LRRC4C: variants seen among roughly 807,000 people sequenced by gnomAD.
LRRC4C encodes the protein leucine rich repeat containing 4C, also known as leucine-rich repeat-containing protein 4C.
Under a neutral mutation model 33.6 loss-of-function variants are expected in LRRC4C, and 5 were observed. The observed-to-expected ratio is 0.15, with a 90% CI of 0.08 to 0.31. The LOEUF (loss-of-function observed/expected upper bound fraction) is 0.31, where lower values mean the gene tolerates loss of function less well. Among genes scored for constraint, LRRC4C ranks in the 10% least tolerant of loss-of-function variants. LRRC4C has a pLI of 1.00. For synonymous variants in LRRC4C, 329 were observed against 302.0 expected (o/e 1.09, Z -0.93); for missense variants, 560 against 796.7 (o/e 0.70, Z 3.58).
chr11:41,300,639 T>C (rs568384432), intron 1 of LRRC4C, among the ~76,000 whole-genome samples: 1 of 152,166 alleles, frequency 6.6e-6, no homozygotes, highest in Non-Finnish European at 1.5e-5. Context: ...CAGAGGAGAA[T>C]TCTTCTTTCT....
chr11:40,346,969 G>A (rs1321809371), intron 3 of LRRC4C, among the ~76,000 whole-genome samples: 1 of 152,130 alleles, frequency 6.6e-6, no homozygotes. Flanking sequence ...TCTGCAGAAT[G>A]GTAAATGAGT....
chr11:41,017,992 T>C (rs575190130), intron 1 of LRRC4C, among the ~76,000 whole-genome samples: 2 of 152,126 alleles, frequency 1.3e-5, no homozygotes, highest in Middle Eastern at 6.8e-3. Flanking sequence ...ATAGAAATGG[T>C]CTTCAAGATG....
intron 3 of LRRC4C, among the ~76,000 whole-genome samples, chr11:40,465,866 G>A (rs1425389224): frequency 6.6e-6 from 1 of 152,000 alleles, no homozygotes; most frequent in African/African-American, 2.4e-5. Flanking sequence ...ACAGTGTGGA[G>A]ATTTCTCAAA....
At chr11:40,645,161 C>T (rs528148447) in intron 3 of LRRC4C, among the ~76,000 whole-genome samples, 2 of 152,156 alleles carry the variant, frequency 1.3e-5, no homozygotes, top group South Asian at 4.2e-4. Context: ...TGACATAAAC[C>T]TCAATCTAAT....
chr11:40,957,303 T>C (rs1049974362), intron 1 of LRRC4C, among the ~76,000 whole-genome samples: 1 of 151,726 alleles, frequency 6.6e-6, no homozygotes, highest in African/African-American at 2.4e-5. Context: ...CGGGCTAGTA[T>C]CACAGGTAAA....
At chr11:41,136,015 CAGCCATTCATCCATCAATCT>C (rs1394489777) in intron 1 of LRRC4C, among the ~76,000 whole-genome samples, 2 of 152,094 alleles carry the variant, frequency 1.3e-5, no homozygotes, top group African/African-American at 2.4e-5. Context: ...TTCATCCATC[CAGCCATTCATCCATCAATCT>C]AGCCATTCAT....
At chr11:41,198,967 G>A (rs1946295790) in intron 1 of LRRC4C, among the ~76,000 whole-genome samples, 1 of 152,040 alleles carries the variant, frequency 6.6e-6, no homozygotes, top group Admixed American at 6.6e-5. Context: ...AAAAGCGAAA[G>A]GTACTAGTTG....
intron 2 of LRRC4C, among the ~76,000 whole-genome samples, chr11:40,740,042 A>G (rs1252916136): frequency 1.3e-5 from 2 of 151,950 alleles, no homozygotes; most frequent in African/African-American, 4.8e-5. Flanking sequence ...TATAAATATT[A>G]ACATTTTCTA....
At chr11:40,803,580 AT>A (rs753634916) in intron 2 of LRRC4C, among the ~76,000 whole-genome samples, 65 of 151,872 alleles carry the variant, frequency 4.3e-4, no homozygotes, top group African/African-American at 1.0e-3. Context: ...CTATATGGTC[AT>A]TTTTTTTAAT....
At chr11:41,049,995 A>G (rs1401659411) in intron 1 of LRRC4C, among the ~76,000 whole-genome samples, 1 of 152,196 alleles carries the variant, frequency 6.6e-6, no homozygotes, top group Non-Finnish European at 1.5e-5. Context: ...CATATGGAAT[A>G]TGGAGGAAAA....
At position 40,961,229 on chromosome 11, in the gene LRRC4C, T is replaced by A. The variant is rs76447812; in HGVS notation, c.-495-27506A>T. Among the ~76,000 whole-genome samples the A allele has an allele frequency of 2.3e-3, 354 of 151,870 alleles. 2 individuals carry two copies. Among genetic ancestry groups the A allele is most frequent in the African/African-American group, 8.2e-3 (342 of 41,512 alleles). On this transcript the variant is annotated intron_variant, in intron 1 of 6. Transcript: ENST00000528697. ...ATTGAATTTCTGAGACAAGAGCTAT[T>A]GTGACTAGAATAGCAAATGTCAGAT... is the stretch of plus-strand genomic sequence containing the variant.
chr11:40,383,230 A>G (rs1948963103), intron 3 of LRRC4C, among the ~76,000 whole-genome samples: 1 of 129,774 alleles, frequency 7.7e-6, no homozygotes. Context: ...TTGGTTGTAT[A>G]TTTATATATC....
intron 3 of LRRC4C, among the ~76,000 whole-genome samples, chr11:40,398,556 A>G (rs1452885073): frequency 6.6e-6 from 1 of 152,098 alleles, no homozygotes; most frequent in East Asian, 1.9e-4. Context: ...GAAAATATGG[A>G]TGTAACTCTG....
intron 3 of LRRC4C, among the ~76,000 whole-genome samples, chr11:40,597,270 A>G (rs1959439687): frequency 1.3e-5 from 2 of 152,182 alleles, no homozygotes; most frequent in Non-Finnish European, 2.9e-5. Context: ...TAGTCAAGAA[A>G]TTAAGCTATA....
intron 1 of LRRC4C, among the ~76,000 whole-genome samples, chr11:41,302,537 C>A (rs1389642404): frequency 6.6e-6 from 1 of 152,032 alleles, no homozygotes; most frequent in South Asian, 2.1e-4. Context: ...GAGTTTGATG[C>A]ACATCAAATG....
chr11:40,382,409 A>G (rs2137362334), intron 3 of LRRC4C, among the ~76,000 whole-genome samples: 1 of 151,870 alleles, frequency 6.6e-6, no homozygotes, highest in Admixed American at 6.5e-5. Context: ...GTGTATATTT[A>G]AAATGTACAA....
At chr11:40,766,375 A>T (rs80347701) in intron 2 of LRRC4C, among the ~76,000 whole-genome samples, 1 of 149,604 alleles carries the variant, frequency 6.7e-6, no homozygotes, top group Admixed American at 6.6e-5. Context: ...AAAAAAAAAA[A>T]AAAAGAAGAT....
At chr11:40,826,035 C>T (rs1426625450) in intron 2 of LRRC4C, among the ~76,000 whole-genome samples, 2 of 151,056 alleles carry the variant, frequency 1.3e-5, no homozygotes, top group Non-Finnish European at 3.0e-5. Context: ...GTGGTGCACC[C>T]TTATGTAGTC....
chr11:41,029,370 C>T (rs1447543549), intron 1 of LRRC4C, among the ~76,000 whole-genome samples: 1 of 151,676 alleles, frequency 6.6e-6, no homozygotes, highest in Non-Finnish European at 1.5e-5. Flanking sequence ...ATATGTGGGC[C>T]TATCAGTCAA....
Sources: allele counts gnomAD v4.1 joint callset (sites outside exome capture counted in the v4.1 genomes callset), GRCh38; gene constraint gnomAD v4.1.1; transcripts MANE v1.5; gene names NCBI Gene and HGNC (gene_info 2026-07-23, HGNC 2026-07-21).